Variants in LMNB2 observed in about 807,000 individuals in gnomAD.
The protein encoded by LMNB2 is lamin B2.
A neutral mutation model predicts 69.3 loss-of-function variants in LMNB2; 17 were observed. The ratio of observed to expected loss-of-function variants is 0.25; its 90% CI spans 0.17 to 0.37. The LOEUF (loss-of-function observed/expected upper bound fraction) is 0.37, where lower values mean the gene tolerates loss of function less well. Ranked by LOEUF, LMNB2 falls within the 10% of genes least tolerant of loss-of-function variation. The probability of loss-of-function intolerance (pLI) is 1.00; values close to 1 mark genes in which losing one functional copy is unlikely to be tolerated. For missense variants in LMNB2, 789 were observed against 883.6 expected, an observed-to-expected ratio of 0.89 and a Z score of 1.36; for synonymous variants, 397 against 389.3, an observed-to-expected ratio of 1.02 and a Z score of -0.23.
At position 2,438,234 on chromosome 19, in the gene LMNB2, G is replaced by A. The variant is rs752321316; in HGVS notation, c.613C>T (p.Arg205Cys). 5.0e-6 allele frequency: 8 copies of A among 1,614,064 alleles called. No individual in the cohort carries two copies. The highest frequency in any genetic ancestry group is 4.5e-5 in the East Asian group (2 of 44,890). The change falls in exon 4 of 12, where the codon CGT (arginine) becomes TGT (cysteine). Residue 205 changes from arginine (R) to cysteine (C), a missense_variant. By Grantham distance (180) the Arg-to-Cys change is radical. Around this residue, in one of 3 missense-constraint regions of LMNB2, gnomAD observed 609 missense variants for 630.9 expected, o/e 0.97. Transcript: ENST00000325327. ...KKQLEKETLM[R>C]VDLENRCQSL... Reference sequence around the variant, plus strand: ...TGGCAGCGGTTCTCCAGGTCCACACGCATCAGCGTCTCCTTCTCCAGCTGC... The same window carrying A: ...TGGCAGCGGTTCTCCAGGTCCACACACATCAGCGTCTCCTTCTCCAGCTGC...
chr19:2,452,722 T>G (rs1972038451), intron 1 of LMNB2, among the ~76,000 whole-genome samples: 1 of 151,972 alleles, frequency 6.6e-6, no homozygotes. Context: ...TGAGACTCTA[T>G]CTCAAAAAAG....
rs555728466 is a variant in LMNB2 at position 2,438,381 on chromosome 19, C to G, written c.552G>C (p.Leu184=). 5.0e-6 allele frequency: 8 copies of G among 1,613,002 alleles called. 1 individual carries two copies. In the South Asian group the frequency reaches 8.8e-5, roughly 18 times the overall value. Residue 184 remains leucine, a synonymous_variant, in exon 3 of 12, where the codon CTG becomes CTC. Transcript: ENST00000325327. ...ESDVAELRAQ[L]AKAEDGHAVA... ...CGTGGCTCCTGGCACCTACCTTGGC[C>G]AGCTGGGCCCGCAGCTCAGCCACGT...
intron 1 of LMNB2, among the ~76,000 whole-genome samples, chr19:2,452,993 C>CTGGGTCATCCTAATGGGGGA: frequency 1.2e-5 from 1 of 84,476 alleles, no homozygotes; most frequent in African/African-American, 4.5e-5. Context: ...CTAATGGGGG[C>CTGGGTCATCCTAATGGGGGA]TGGGTCATCC....
intron 8 of LMNB2, 25 bp from the exon 9 acceptor site, chr19:2,432,548 C>A (rs773801831): frequency 5.1e-6 from 8 of 1,584,052 alleles, no homozygotes; most frequent in Admixed American, 1.7e-5. Flanking sequence ...ACACACCTGA[C>A]CCTCAGCCAC....
chr19:2,431,935 T>C lies in LMNB2; in HGVS notation c.1591-33A>G, dbSNP rs773306231. ...CCCAATAACAATGGCCCCATCAGGG[T>C]CACCTCTGGTTCCAGGGACGTGGGC... On this transcript the variant is annotated intron_variant, in intron 9 of 11. Transcript: ENST00000325327. 10 of 1,595,724 alleles carry C rather than the reference T, an allele frequency of 6.3e-6. No individual in the cohort carries two copies. In the South Asian group the frequency reaches 1.1e-4, roughly 18 times the overall value.
Position 2,433,963 on chromosome 19 carries a change from G to A in LMNB2, c.1345C>T (p.Pro449Ser), listed in dbSNP as rs1177983099. The change falls in exon 8 of 12, where the codon CCA (proline) becomes TCA (serine). Residue 449 changes from proline to serine, a missense_variant. By Grantham distance (74) the Pro-to-Ser change is moderately conservative (BLOSUM62 -1). Transcript: ENST00000325327. ...CCCGTGCCCGTGCCCAGGACGCTTG[G>A]GCCGCTGCCCAAGGGCTCCTCCACC... Reference protein sequence around the residue: ...LEVEEPLGSGPSVLGTGTGGS... With the variant: ...LEVEEPLGSGSSVLGTGTGGS... 6.2e-7 allele frequency: 1 copy of A among 1,611,316 alleles called. No homozygotes were observed. Among genetic ancestry groups the A allele is most frequent in the East Asian group, 2.2e-5 (1 of 44,868 alleles).
At chr19:2,450,370 C>CG (rs1972008501) in intron 1 of LMNB2, among the ~76,000 whole-genome samples, 2 of 151,860 alleles carry the variant, frequency 1.3e-5, no homozygotes, top group Non-Finnish European at 2.9e-5. Context: ...GAAAGGACAT[C>CG]GGGGAAACTG....
intron 1 of LMNB2, among the ~76,000 whole-genome samples, chr19:2,454,746 G>A (rs184934532): frequency 6.6e-6 from 1 of 152,276 alleles, no homozygotes; most frequent in Admixed American, 6.5e-5. Context: ...ACCCATGGCA[G>A]GAATCAAGTG....
At chr19:2,433,769 G>C (rs1284308751) in intron 8 of LMNB2, 57 bp downstream of exon 8, 2 of 1,561,518 alleles carry the variant, frequency 1.3e-6, no homozygotes, top group Non-Finnish European at 1.7e-6. Flanking sequence ...CCTGACCCTG[G>C]TCACCCCCAT....
rs559976546 is a variant in LMNB2, at chr19:2,456,674, C to T, written c.260G>A (p.Arg87His). The change falls in exon 1 of 12, where the codon CGC (arginine) becomes CAC (histidine). Residue 87 changes from arginine to histidine, a missense_variant. By Grantham distance (29) the Arg-to-His change is conservative. This residue lies in a region of LMNB2 where 145 missense variants were observed against 228.9 expected (regional missense o/e 0.63). Transcript: ENST00000325327. ...KISEKEEVTT[R>H]EVSGIKALYE... is the part of the protein sequence containing the mutation. Reference sequence around the variant, plus strand: ...CCCCTAAGCCCCGGCGCCCACCTCGCGCGTGGTCACCTCCTCCTTCTCTGA... The same window carrying T: ...CCCCTAAGCCCCGGCGCCCACCTCGTGCGTGGTCACCTCCTCCTTCTCTGA... The T allele has an allele frequency of 3.3e-6, 5 of 1,537,674 alleles. No homozygotes were observed. The African/African-American group carries it at 5.7e-5, about 18-fold the overall frequency.
chr19:2,431,737 C>T, intron 10 of LMNB2, 46 bp downstream of exon 10: 1 of 1,613,638 alleles, frequency 6.2e-7, no homozygotes, highest in South Asian at 1.1e-5. Context: ...TGCCCAGACC[C>T]TGCCCAGGAC....
intron 2 of LMNB2, among the ~76,000 whole-genome samples, chr19:2,444,025 G>A (rs891350386): frequency 7.2e-5 from 11 of 152,232 alleles, no homozygotes; most frequent in South Asian, 6.2e-4. Context: ...TGCCTACGAT[G>A]GGGCCTGAGG....
At chr19:2,445,110 A>G (rs2145463614) in intron 1 of LMNB2, among the ~76,000 whole-genome samples, 1 of 152,066 alleles carries the variant, frequency 6.6e-6, no homozygotes, top group Non-Finnish European at 1.5e-5. Context: ...CTCTCGGACA[A>G]CTGGTGATGA....
intron 2 of LMNB2, among the ~76,000 whole-genome samples, chr19:2,438,911 C>A (rs993652429): frequency 6.6e-6 from 1 of 152,172 alleles, no homozygotes; most frequent in African/African-American, 2.4e-5. Flanking sequence ...CTTAAGCTGT[C>A]TGAAGCAGGC....
intron 1 of LMNB2, among the ~76,000 whole-genome samples, chr19:2,456,051 A>G (rs1035482118): frequency 6.8e-6 from 1 of 147,944 alleles, no homozygotes; most frequent in African/African-American, 2.5e-5. Flanking sequence ...AGCCCCCCGC[A>G]AACCCCCTGG....
chr19:2,449,458 A>G (rs1971995201), intron 1 of LMNB2, among the ~76,000 whole-genome samples: 1 of 152,206 alleles, frequency 6.6e-6, no homozygotes, highest in Admixed American at 6.5e-5. Context: ...TTCATTGTAG[A>G]TTTTTTGAAT....
chr19:2,440,378 C>T (rs34710962), intron 2 of LMNB2, among the ~76,000 whole-genome samples: 4,664 of 150,928 alleles, frequency 0.031, 257 homozygotes, highest in African/African-American at 0.11. Context: ...TTAGTAGAGA[C>T]GGGGTTTCTC....
At chr19:2,434,587 G>A (rs763643197) in intron 6 of LMNB2, 72 bp from the exon 7 acceptor site, 33 of 1,544,496 alleles carry the variant, frequency 2.1e-5, no homozygotes, top group African/African-American at 8.2e-5. Context: ...CTGGGACTGC[G>A]GGAGATGGGC....
intron 11 of LMNB2, 63 bp downstream of exon 11, chr19:2,431,485 G>A (rs1971738818): frequency 6.2e-7 from 1 of 1,607,914 alleles, no homozygotes; most frequent in Non-Finnish European, 8.5e-7. Flanking sequence ...GTGTATGTGT[G>A]TGCACGAGCT....
Sources: allele counts gnomAD v4.1 joint callset (sites outside exome capture counted in the v4.1 genomes callset), GRCh38; gene constraint gnomAD v4.1.1; regional missense constraint gnomAD v4.1.1; transcripts MANE v1.5; gene names NCBI Gene and HGNC (gene_info 2026-07-23, HGNC 2026-07-21).